NECAP1: variants seen among roughly 807,000 people sequenced by gnomAD.
The protein encoded by NECAP1 is adaptin ear-binding coat-associated protein 1.
A neutral mutation model predicts 33.4 loss-of-function variants in NECAP1; 13 were observed. The observed-to-expected ratio is 0.39, with a 90% CI of 0.25 to 0.62. NECAP1 has a LOEUF of 0.62. Ranked by LOEUF, NECAP1 falls within the 20% of genes least tolerant of loss-of-function variation. The pLI is 0.52. For synonymous variants in NECAP1, 109 were observed against 125.2 expected (o/e 0.87, Z 0.86); for missense variants, 272 against 347.4 (o/e 0.78, Z 1.73).
At chr12:8,086,830 T>G (rs1017535112) in intron 1 of NECAP1, among the ~76,000 whole-genome samples, 2 of 151,418 alleles carry the variant, frequency 1.3e-5, no homozygotes, top group Non-Finnish European at 2.9e-5. Flanking sequence ...TCTCAGCTAC[T>G]CAGGAGGCTG....
intron 1 of NECAP1, among the ~76,000 whole-genome samples, chr12:8,084,705 T>G (rs774232231): frequency 6.6e-6 from 1 of 152,206 alleles, no homozygotes; most frequent in African/African-American, 2.4e-5. Flanking sequence ...CTCTTCATTT[T>G]GTATTGTAAT....
chr12:8,096,084 G>T lies in NECAP1; in HGVS notation c.822G>T (p.Gln274His). Residue 274 changes from glutamine (Q) to histidine (H), a missense_variant, in exon 8 of 8, where the codon CAG becomes CAT. Gln to His is a conservative substitution (Grantham distance 24). Transcript: ENST00000339754. ...CACCACAGCCATCCAACTGGGTCCA[G>T]TTCTGAATGGCATTGGCAGGACATT... ...NQAPQPSNWV[Q>H]F 6.2e-7 allele frequency: 1 copy of T among 1,614,062 alleles called. No homozygotes were observed. The highest frequency in any genetic ancestry group is 8.5e-7 in the Non-Finnish European group (1 of 1,179,966).
In NECAP1 at chr12:8,096,534, A is replaced by G. The variant is rs999058340; in HGVS notation, c.*444A>G. On this transcript the variant is annotated 3_prime_UTR_variant, in exon 8 of 8. Coordinates refer to ENST00000339754, the MANE Select transcript of NECAP1 (RefSeq NM_015509.4). ...CAAAAACCTTGCAACTTCCTTCTCC[A>G]CTAACCCAGGACTAAAAATGGACAG... is the stretch of plus-strand genomic sequence containing the variant. 2 of 155,202 alleles carry G rather than the reference A, an allele frequency of 1.3e-5. No individual in the cohort carries two copies. The highest frequency in any genetic ancestry group is 2.9e-5 in the Non-Finnish European group (2 of 69,710). The allele number at this position is 155,202 out of a possible 1,614,324, so 9.6% of individuals were successfully genotyped here.
intron 2 of NECAP1, 26 bp from the exon 3 acceptor site, chr12:8,090,169 A>C (rs1198035601): frequency 6.2e-7 from 1 of 1,612,728 alleles, no homozygotes; most frequent in Admixed American, 1.7e-5. Context: ...TGCTTTACTC[A>C]AAAAAGTCTT....
At position 8,095,790 on chromosome 12, in the gene NECAP1, A is replaced by T. The variant is rs753393772; in HGVS notation, c.779+87A>T. 5 of 1,335,266 alleles carry T rather than the reference A, an allele frequency of 3.7e-6. No individual in the cohort carries two copies. In the African/African-American group the frequency reaches 7.2e-5, roughly 19 times the overall value. The allele number at this position is 1,335,266 out of a possible 1,614,324, so 82.7% of individuals were successfully genotyped here. ...TTGAAATCTTTGATCTGGAGAAGCA[A>T]TGGATATGCAGGTCACATAGAGTCT... On this transcript the variant is annotated intron_variant, in intron 7 of 7. Transcript: ENST00000339754.
intron 2 of NECAP1, 27 bp downstream of exon 2, chr12:8,090,063 A>G: frequency 6.3e-7 from 1 of 1,593,270 alleles, no homozygotes; most frequent in Non-Finnish European, 8.6e-7. Flanking sequence ...ACCCTCTAAC[A>G]TTAAGAATAT....
Position 8,084,886 on chromosome 12 carries a change from A to G in NECAP1, c.95+2503A>G, listed in dbSNP as rs780893156. ...GAAAGAAGAAATCAGTAGATTACAC[A>G]GAGAAACCTAATCACATAAAGTGGC... On this transcript the variant is annotated intron_variant, in intron 1 of 7. Coordinates refer to ENST00000339754, the MANE Select transcript of NECAP1 (RefSeq NM_015509.4). 7.9e-5 allele frequency among the ~76,000 whole-genome samples: 12 copies of G among 152,364 alleles called. No homozygotes were observed. The South Asian group carries it at 2.5e-3, about 32-fold the overall frequency.
chr12:8,090,328 G>A (rs372200586), intron 3 of NECAP1, 29 bp downstream of exon 3: 67 of 1,587,136 alleles, frequency 4.2e-5, no homozygotes, highest in African/African-American at 5.4e-5. Flanking sequence ...TGAGTGGAAC[G>A]AAGTTAGGAA....
At chr12:8,083,053 T>C (rs187678948) in intron 1 of NECAP1, 2 of 152,440 alleles carry the variant, frequency 1.3e-5, no homozygotes, top group East Asian at 3.9e-4. Context: ...TTTTCTGTCT[T>C]CCTTCCCTAC....
At chr12:8,091,534 G>A in intron 3 of NECAP1, 2 of 534,846 alleles carry the variant, frequency 3.7e-6, no homozygotes, top group Non-Finnish European at 6.8e-6. Context: ...TTCACAGTAG[G>A]GTTCACACCC....
intron 1 of NECAP1, among the ~76,000 whole-genome samples, chr12:8,086,683 C>G (rs773566722): frequency 2.6e-5 from 4 of 152,164 alleles, no homozygotes; most frequent in Admixed American, 6.5e-5. Context: ...CTCCTGTAAT[C>G]CCAGCACTTG....
In NECAP1 at chr12:8,083,227, C is replaced by A. The variant is rs370126021; in HGVS notation, c.95+844C>A. Among the ~76,000 whole-genome samples, 436 of 151,830 alleles carry A rather than the reference C, an allele frequency of 2.9e-3. 3 individuals carry two copies. Among genetic ancestry groups the A allele is most frequent in the African/African-American group, 9.6e-3 (398 of 41,390 alleles). ...CAGTTCACTGGGCTTCATGTTAAAC[C>A]ATATGAGTGTGAGCCCTTTCCAAGC... On this transcript the variant is annotated intron_variant, in intron 1 of 7. Transcript: ENST00000339754.
chr12:8,092,608 C>T, intron 4 of NECAP1, 68 bp from the exon 5 acceptor site: 1 of 1,178,210 alleles, frequency 8.5e-7, no homozygotes, highest in African/African-American at 1.5e-5. Context: ...GTAAATACAC[C>T]CAAATTTGTA....
intron 4 of NECAP1, chr12:8,092,064 T>C: frequency 1.8e-6 from 1 of 544,550 alleles, no homozygotes; most frequent in Non-Finnish European, 3.3e-6. Context: ...TTCAGATCCC[T>C]TGTGCAGTAG....
Position 8,096,319 on chromosome 12 carries a change from G to T in NECAP1, c.*229G>T, listed in dbSNP as rs929156894. The T allele has an allele frequency of 4.5e-5, 21 of 465,808 alleles. No homozygotes were observed. Among genetic ancestry groups the T allele is most frequent in the Middle Eastern group, 5.5e-4 (1 of 1,816 alleles). The allele number at this position is 465,808 out of a possible 1,614,324, so 28.9% of individuals were successfully genotyped here. On this transcript the variant is annotated 3_prime_UTR_variant, in exon 8 of 8. Coordinates refer to ENST00000339754, the MANE Select transcript of NECAP1 (RefSeq NM_015509.4). Reference sequence around the variant, plus strand: ...TCTCCTGCGTAGTACCAAGGTAGGGGACTAGTGGATCTTATCATAGTTTTG... The same window carrying T: ...TCTCCTGCGTAGTACCAAGGTAGGGTACTAGTGGATCTTATCATAGTTTTG...
In NECAP1 at chr12:8,091,812, T is replaced by G. The variant is rs1947547705; in HGVS notation, c.345T>G (p.Asp115Glu). 1 of 1,614,020 alleles carries G rather than the reference T, an allele frequency of 6.2e-7. No homozygotes were observed. The highest frequency in any genetic ancestry group is 1.3e-5 in the African/African-American group (1 of 75,036). Reference sequence around the variant, plus strand: ...GCATTGGCTTCACAGATCGGGGAGATGCCTTCGACTTTAATGTCTCCTTGC... The same window carrying G: ...GCATTGGCTTCACAGATCGGGGAGAGGCCTTCGACTTTAATGTCTCCTTGC... Reference protein sequence around the residue: ...FIGIGFTDRGDAFDFNVSLQD... With the variant: ...FIGIGFTDRGEAFDFNVSLQD... Residue 115 changes from aspartate to glutamate, a missense_variant, in exon 4 of 8, where the codon GAT (aspartate) becomes GAG (glutamate). Physicochemically the swap from Asp to Glu is conservative, Grantham distance 45. Transcript: ENST00000339754.
At chr12:8,085,948 A>C (rs1020952083) in intron 1 of NECAP1, among the ~76,000 whole-genome samples, 3 of 151,480 alleles carry the variant, frequency 2.0e-5, no homozygotes, top group African/African-American at 7.3e-5. Context: ...CAGGCAATCC[A>C]CCCACCTCAA....
At chr12:8,094,961 A>G (rs1192961061) in intron 6 of NECAP1, among the ~76,000 whole-genome samples, 2 of 152,212 alleles carry the variant, frequency 1.3e-5, no homozygotes, top group Non-Finnish European at 2.9e-5. Flanking sequence ...TTGTCACTTC[A>G]GGAATGTTCT....
At chr12:8,090,574 C>A in intron 3 of NECAP1, 1 of 314,318 alleles carries the variant, frequency 3.2e-6, no homozygotes, top group Non-Finnish European at 6.1e-6. Flanking sequence ...TTTAGGAGGC[C>A]GAGGTGGGTG....
Sources: gnomAD v4.1 joint callset for allele counts (sites outside exome capture counted in the v4.1 genomes callset) on GRCh38, gnomAD v4.1.1 for gene constraint, MANE v1.5 for transcripts, NCBI Gene and HGNC (gene_info 2026-07-23, HGNC 2026-07-21) for gene names.